The following USP50 variants were observed in gnomAD, a reference collection of about 807,000 sequenced individuals.
USP50 encodes the protein ubiquitin specific peptidase 50.
USP50 carries 37 observed loss-of-function variants against 39.2 expected under a neutral mutation model. The ratio of observed to expected loss-of-function variants is 0.94; its 90% CI spans 0.73 to 1.24. The LOEUF is 1.24. Among genes scored for constraint, USP50 ranks in the 50% most tolerant of loss-of-function variants. The probability of loss-of-function intolerance (pLI) is 0.00; values close to 1 mark genes in which losing one functional copy is unlikely to be tolerated. For missense variants in USP50, 374 were observed against 398.2 expected, an observed-to-expected ratio of 0.94 and a Z score of 0.52; for synonymous variants, 139 against 144.5, an observed-to-expected ratio of 0.96 and a Z score of 0.27.
rs2053003386 is a variant in USP50, at chr15:50,538,754, G to T, written c.758C>A (p.Ala253Asp). The stretch of plus-strand genomic sequence containing the variant: ...TATTTTTGGTGCTTTGGAAATACTG[G>T]CCCTCACAGCAGTTTCTTGCTTGGT... ...CETKQETAVRASISKAPKIII... is the reference protein window; with the variant it reads ...CETKQETAVRDSISKAPKIII... Residue 253 changes from alanine to aspartate, a missense_variant, in exon 5 of 7, where the codon GCC becomes GAC. Transcript: ENST00000532404. 1.2e-6 allele frequency: 2 copies of T among 1,612,680 alleles called. No individual in the cohort carries two copies. The highest frequency in any genetic ancestry group is 2.7e-5 in the African/African-American group (2 of 74,846).
rs539962317 is a variant in USP50 at position 50,543,367 on chromosome 15, T to C, written c.444+231A>G. The stretch of plus-strand genomic sequence containing the variant: ...ATTCTAATTAATTACCCTTGGAGTA[T>C]TTGCCTTAAAATCTGTGTTGTAAAA... On this transcript the variant is annotated intron_variant, in intron 3 of 6. Transcript: ENST00000532404. 1.8e-4 allele frequency among the ~76,000 whole-genome samples: 27 copies of C among 152,332 alleles called. No individual in the cohort carries two copies. In the East Asian group the frequency reaches 5.2e-3, roughly 29 times the overall value.
At chr15:50,526,327 TG>T (rs2052898413) in intron 6 of USP50, among the ~76,000 whole-genome samples, 1 of 152,196 alleles carries the variant, frequency 6.6e-6, no homozygotes, top group Admixed American at 6.5e-5. Context: ...CCCAAAGTGC[TG>T]GGACTACAGG....
At chr15:50,529,214 A>G (rs1202086544) in intron 6 of USP50, among the ~76,000 whole-genome samples, 1 of 152,064 alleles carries the variant, frequency 6.6e-6, no homozygotes, top group Non-Finnish European at 1.5e-5. Flanking sequence ...GTTATTCAAC[A>G]TAAAGCTATC....
At chr15:50,535,135 T>TCTCA (rs1555395801) in intron 5 of USP50, among the ~76,000 whole-genome samples, 4 of 144,516 alleles carry the variant, frequency 2.8e-5, no homozygotes, top group African/African-American at 1.0e-4. Flanking sequence ...TGAAACTCTG[T>TCTCA]CACACACACA....
chr15:50,500,144 C>G (rs2052556146), downstream of USP50: 1 of 152,164 alleles, frequency 6.6e-6, no homozygotes, highest in Non-Finnish European at 1.5e-5. Context: ...AGCAGGCTCT[C>G]AGGGAGAAGA....
At chr15:50,504,569 G>A (rs1243118379) in intron 6 of USP50, 1 of 152,028 alleles carries the variant, frequency 6.6e-6, no homozygotes, top group Non-Finnish European at 1.5e-5. Flanking sequence ...TTTTATATAG[G>A]GCCCTTGAGC....
downstream of USP50, chr15:50,498,845 G>A (rs375973143): frequency 3.1e-4 from 476 of 1,551,656 alleles, 4 homozygotes; most frequent in South Asian, 3.7e-3. Context: ...AACTATTGGC[G>A]TATTTTAAAT....
At chr15:50,493,426 C>T, downstream of USP50, 1 of 519,006 alleles carries the variant, frequency 1.9e-6, no homozygotes, top group South Asian at 1.4e-5. Context: ...CCAGAAAAGT[C>T]AAATTAGGAA....
intron 1 of USP50, 100 bp downstream of exon 1, chr15:50,546,373 G>A: frequency 7.6e-7 from 1 of 1,318,964 alleles, no homozygotes; most frequent in Non-Finnish European, 1.1e-6. Context: ...GTCACACCTG[G>A]GAGAACCCTC....
chr15:50,495,487 G>GT (rs1555392695), intron 1 of USP50, among the ~76,000 whole-genome samples: 1 of 123,696 alleles, frequency 8.1e-6, no homozygotes, highest in South Asian at 2.8e-4. Context: ...AGAGATTGGA[G>GT]GGGGGGGTCT....
chr15:50,531,469 CAT>C (rs1257625702), intron 5 of USP50, among the ~76,000 whole-genome samples: 2 of 152,168 alleles, frequency 1.3e-5, no homozygotes, highest in Non-Finnish European at 2.9e-5. Context: ...TACAGTATGA[CAT>C]AGCACGTTCT....
chr15:50,518,252 G>A (rs368701762), intron 6 of USP50, among the ~76,000 whole-genome samples: 30 of 143,494 alleles, frequency 2.1e-4, no homozygotes, highest in African/African-American at 7.3e-4. Flanking sequence ...ACAGAGTCTC[G>A]CTCCATCACC....
In USP50 at chr15:50,543,783, C is replaced by G; in HGVS notation, c.259G>C (p.Glu87Gln). 2 of 1,607,548 alleles carry G rather than the reference C, an allele frequency of 1.2e-6. No homozygotes were observed. Among genetic ancestry groups the G allele is most frequent in the Admixed American group, 1.7e-5 (1 of 58,870 alleles). ...AGATAGGCAAAAGCAGTGGCAACTT[C>G]ACTGCAATCGCTTGGAAGAAGAAAG... ...YITALQNDCS[E>Q]VATAFAYLMT... Residue 87 changes from glutamate (E) to glutamine (Q), a missense_variant, in exon 3 of 7, where the codon GAA (glutamate) becomes CAA (glutamine). Physicochemically the swap from Glu to Gln is conservative, Grantham distance 29. Coordinates refer to ENST00000532404, the MANE Select transcript of USP50 (RefSeq NM_203494.5).
intron 6 of USP50, chr15:50,510,811 C>T (rs1337966409): frequency 1.3e-5 from 2 of 151,950 alleles, no homozygotes; most frequent in African/African-American, 4.8e-5. Context: ...GAGTCTCGCT[C>T]TGTCTCCCAG....
At chr15:50,496,814 A>G (rs2052432106), downstream of USP50, 1 of 280,670 alleles carries the variant, frequency 3.6e-6, no homozygotes, top group Non-Finnish European at 6.5e-6. Flanking sequence ...CCAGAATGTC[A>G]TTTCCTCCAA....
intron 3 of USP50, 76 bp from the exon 4 acceptor site, chr15:50,541,340 C>A: frequency 7.6e-7 from 1 of 1,313,634 alleles, no homozygotes. Context: ...GGTGAGATCC[C>A]ATCTCTACAA....
At chr15:50,504,322 TGTAGACCAGCCTGG>T (rs2141342269) in intron 6 of USP50, 1 of 152,388 alleles carries the variant, frequency 6.6e-6, no homozygotes, top group East Asian at 1.9e-4. Flanking sequence ...GCCCAGGAGT[TGTAGACCAGCCTGG>T]GCAACATGGC....
chr15:50,536,114 A>G (rs913725690), intron 5 of USP50, among the ~76,000 whole-genome samples: 1 of 152,204 alleles, frequency 6.6e-6, no homozygotes, highest in African/African-American at 2.4e-5. Flanking sequence ...ACATTGTATT[A>G]GAAGACCTAG....
intron 5 of USP50, among the ~76,000 whole-genome samples, chr15:50,538,366 G>A (rs1272696390): frequency 2.8e-5 from 4 of 144,874 alleles, no homozygotes; most frequent in African/African-American, 1.0e-4. Flanking sequence ...GACTTTAACA[G>A]ACCTTCATTG....
Sources: allele counts gnomAD v4.1 joint callset (sites outside exome capture counted in the v4.1 genomes callset), GRCh38; gene constraint gnomAD v4.1.1; transcripts MANE v1.5; gene names NCBI Gene and HGNC (gene_info 2026-07-23, HGNC 2026-07-21).